The following UBE2E2 variants were observed in gnomAD, a reference collection of about 807,000 sequenced individuals.
UBE2E2 encodes ubiquitin-conjugating enzyme E2 E2.
Under a neutral mutation model 24.7 loss-of-function variants are expected in UBE2E2, and 6 were observed. The ratio of observed to expected loss-of-function variants is 0.24; its 90% CI spans 0.13 to 0.48. The LOEUF (loss-of-function observed/expected upper bound fraction) is 0.48. Among genes scored for constraint, UBE2E2 ranks in the 20% least tolerant of loss-of-function variants. The probability of loss-of-function intolerance (pLI) is 0.99; values close to 1 mark genes in which losing one functional copy is unlikely to be tolerated. For synonymous variants in UBE2E2, 104 were observed against 83.6 expected (o/e 1.24, Z -1.33); for missense variants, 169 against 245.0 (o/e 0.69, Z 2.07).
At chr3:23,393,215 G>A (rs996342767) in intron 3 of UBE2E2, among the ~76,000 whole-genome samples, 8 of 152,136 alleles carry the variant, frequency 5.3e-5, no homozygotes, top group African/African-American at 9.7e-5. Context: ...ATATTTAGGG[G>A]ATAAAATAGA....
intron 2 of UBE2E2, among the ~76,000 whole-genome samples, chr3:23,217,005 G>T (rs1286494186): frequency 1.3e-5 from 2 of 152,076 alleles, no homozygotes; most frequent in East Asian, 1.9e-4. Context: ...TTTAATTAGT[G>T]CTGTCAGTGG....
At chr3:23,356,434 T>TA (rs529635944) in intron 3 of UBE2E2, among the ~76,000 whole-genome samples, 79 of 152,348 alleles carry the variant, frequency 5.2e-4, no homozygotes, top group Middle Eastern at 6.8e-3. Flanking sequence ...AGGTTAGGAC[T>TA]AAGGCTTCAT....
At chr3:23,571,386 C>T (rs1016059945) in intron 5 of UBE2E2, among the ~76,000 whole-genome samples, 2 of 147,346 alleles carry the variant, frequency 1.4e-5, no homozygotes, top group Admixed American at 1.4e-4. Flanking sequence ...GTTTCCCAGG[C>T]TCAAGTGATT....
intron 3 of UBE2E2, among the ~76,000 whole-genome samples, chr3:23,452,545 C>G (rs778527): frequency 0.22 from 34,068 of 152,034 alleles, 3,924 homozygotes; most frequent in African/African-American, 0.28. Context: ...TGCACACTGA[C>G]CAGTTAAAAT....
At chr3:23,220,463 G>A (rs17341838) in intron 3 of UBE2E2, among the ~76,000 whole-genome samples, 48,410 of 152,018 alleles carry the variant, frequency 0.32, 8,033 homozygotes, top group African/African-American at 0.37. Context: ...AAATCGTAGC[G>A]TCTGTAGGGC....
At chr3:23,506,176 A>G (rs1694451514) in intron 4 of UBE2E2, among the ~76,000 whole-genome samples, 1 of 152,228 alleles carries the variant, frequency 6.6e-6, no homozygotes, top group South Asian at 2.1e-4. Flanking sequence ...GTTGTCATGG[A>G]ATAACATGAA....
intron 3 of UBE2E2, among the ~76,000 whole-genome samples, chr3:23,302,589 C>T (rs1285635732): frequency 6.6e-6 from 1 of 152,136 alleles, no homozygotes; most frequent in African/African-American, 2.4e-5. Flanking sequence ...ATCCTAGATG[C>T]TTCTAGAGCT....
At chr3:23,219,049 C>G (rs767399466) in intron 3 of UBE2E2, among the ~76,000 whole-genome samples, 1 of 152,094 alleles carries the variant, frequency 6.6e-6, no homozygotes, top group Admixed American at 6.6e-5. Flanking sequence ...GGGAAGATAT[C>G]TACTTTAGTT....
In UBE2E2 at chr3:23,323,570, T is replaced by C. The variant is rs781332535; in HGVS notation, c.227+106258T>C. ...TTCAATTCTCAATTGGATTTTTGGA[T>C]TTTGGATGCCCACTAGGTAGGTATA... On this transcript the variant is annotated intron_variant, in intron 3 of 5. Transcript: ENST00000396703. The C allele has an allele frequency of 3.1e-5, 14 of 451,974 alleles. No individual in the cohort carries two copies. In the East Asian group the frequency reaches 8.5e-4, roughly 27 times the overall value. 28.0% of individuals were successfully genotyped at this position (451,974 alleles called of 1,614,324 possible). A position where few individuals can be genotyped will look rare whatever the true frequency, so the allele number is the denominator to read the frequency against.
intron 3 of UBE2E2, among the ~76,000 whole-genome samples, chr3:23,335,243 T>G (rs1403865115): frequency 6.6e-6 from 1 of 152,080 alleles, no homozygotes; most frequent in Non-Finnish European, 1.5e-5. Flanking sequence ...CTGATGGGGG[T>G]AAAAATTAAA....
intron 3 of UBE2E2, among the ~76,000 whole-genome samples, chr3:23,411,438 A>G (rs1697494911): frequency 6.6e-6 from 1 of 152,110 alleles, no homozygotes. Context: ...GCCTGATGAC[A>G]AGTAAAATGA....
At chr3:23,404,225 CAT>C (rs1697300988) in intron 3 of UBE2E2, among the ~76,000 whole-genome samples, 1 of 152,066 alleles carries the variant, frequency 6.6e-6, no homozygotes, top group South Asian at 2.1e-4. Flanking sequence ...GTTGGAATAT[CAT>C]ATAATAAATA....
intron 3 of UBE2E2, among the ~76,000 whole-genome samples, chr3:23,417,869 C>G (rs1430111444): frequency 1.3e-5 from 2 of 152,178 alleles, no homozygotes; most frequent in Non-Finnish European, 2.9e-5. Flanking sequence ...GGGGAAAAAC[C>G]ACCTACTAAA....
chr3:23,407,885 G>A lies in UBE2E2; in HGVS notation c.228-91723G>A, dbSNP rs1250189766. Among the ~76,000 whole-genome samples the A allele has an allele frequency of 3.3e-5, 5 of 151,532 alleles. No individual in the cohort carries two copies. The highest frequency in any genetic ancestry group is 9.7e-5 in the African/African-American group (4 of 41,188). ...CTGATTCTGTAATAGTCCTGTTTCA[G>A]TAATTCTTAATTTGAAGTTTATAGA... On this transcript the variant is annotated intron_variant, in intron 3 of 5. Transcript: ENST00000396703. This position sits in a 1 kb window ranked among gnomAD's most constrained non-coding sequence, Gnocchi z 4.0.
intron 3 of UBE2E2, among the ~76,000 whole-genome samples, chr3:23,380,335 C>T (rs573349723): frequency 2.0e-5 from 3 of 152,300 alleles, no homozygotes; most frequent in Middle Eastern, 6.8e-3. Flanking sequence ...TTTTTCTGAG[C>T]AGCTAGGACT....
intron 5 of UBE2E2, among the ~76,000 whole-genome samples, chr3:23,544,734 A>G (rs539512676): frequency 4.4e-4 from 67 of 151,926 alleles, no homozygotes; most frequent in African/African-American, 1.5e-3. Context: ...TGGAAAAGAA[A>G]AAGACACAGA....
At position 23,590,013 on chromosome 3, in the gene UBE2E2, C is replaced by T. The variant is rs1010259402; in HGVS notation, c.*182C>T. On this transcript the variant is annotated 3_prime_UTR_variant, in exon 6 of 6. Transcript: ENST00000396703. ...GTTCTTCCTGCCCCCCTTCCTCTCT[C>T]CCACGCTCTCTTTTATCTCTCATTT... The T allele has an allele frequency of 9.3e-6, 5 of 535,154 alleles. No homozygotes were observed. The African/African-American group carries it at 9.5e-5, about 10-fold the overall frequency. 33.2% of individuals were successfully genotyped at this position (535,154 alleles called of 1,614,324 possible).
intron 3 of UBE2E2, among the ~76,000 whole-genome samples, chr3:23,466,336 A>G (rs904255221): frequency 2.0e-5 from 3 of 152,228 alleles, no homozygotes; most frequent in Non-Finnish European, 4.4e-5. Flanking sequence ...TGAAATACGC[A>G]TGATGATCTC....
intron 3 of UBE2E2, among the ~76,000 whole-genome samples, chr3:23,397,775 T>C (rs966642333): frequency 6.6e-6 from 1 of 152,208 alleles, no homozygotes; most frequent in African/African-American, 2.4e-5. Context: ...TCACTGTTGG[T>C]GAACATTTTA....
Sources: allele counts gnomAD v4.1 joint callset (sites outside exome capture counted in the v4.1 genomes callset), GRCh38; gene constraint gnomAD v4.1.1; non-coding constraint Gnocchi (gnomAD v3.1); transcripts MANE v1.5; gene names NCBI Gene and HGNC (gene_info 2026-07-23, HGNC 2026-07-21).